The following GOLIM4 variants were observed in gnomAD, a reference collection of about 807,000 sequenced individuals.
GOLIM4 encodes golgi integral membrane protein 4.
GOLIM4 carries 71 observed loss-of-function variants against 107.4 expected under a neutral mutation model. The ratio of observed to expected loss-of-function variants is 0.66; its 90% CI spans 0.55 to 0.81. The LOEUF is 0.81. GOLIM4 is among the 30% of genes least tolerant of loss of function. The pLI, the probability that GOLIM4 is intolerant of heterozygous loss-of-function variation, is 0.00. For synonymous variants in GOLIM4, 327 were observed against 294.8 expected (o/e 1.11, Z -1.12); for missense variants, 830 against 826.1 (o/e 1.00, Z -0.06).
At chr3:168,049,042 C>T (rs1719475976) in intron 1 of GOLIM4, among the ~76,000 whole-genome samples, 1 of 152,142 alleles carries the variant, frequency 6.6e-6, no homozygotes, top group Non-Finnish European at 1.5e-5. Context: ...CCAGAAGAAA[C>T]CAGCGGCAAA....
intron 1 of GOLIM4, among the ~76,000 whole-genome samples, chr3:168,051,948 G>C (rs943535957): frequency 2.0e-5 from 3 of 152,168 alleles, no homozygotes; most frequent in Non-Finnish European, 4.4e-5. Flanking sequence ...AGGGAAGTCA[G>C]AGTGAAAACT....
intron 1 of GOLIM4, among the ~76,000 whole-genome samples, chr3:168,051,823 C>T (rs374338225): frequency 1.8e-3 from 279 of 152,116 alleles, no homozygotes; most frequent in African/African-American, 6.3e-3. Flanking sequence ...AATGGAGCAG[C>T]GGTGACGGAT....
intron 1 of GOLIM4, among the ~76,000 whole-genome samples, chr3:168,067,523 A>AC (rs549430052): frequency 0.011 from 1,636 of 151,268 alleles, 31 homozygotes; most frequent in African/African-American, 0.038. Context: ...TAAAAAAAAA[A>AC]AAACACACAC....
At chr3:168,054,035 A>C (rs1719795488) in intron 1 of GOLIM4, among the ~76,000 whole-genome samples, 1 of 152,114 alleles carries the variant, frequency 6.6e-6, no homozygotes, top group Non-Finnish European at 1.5e-5. Flanking sequence ...TTCCTTCAAA[A>C]ACGTCTCCTC....
At chr3:168,017,002 C>T (rs1717406987) in intron 14 of GOLIM4, among the ~76,000 whole-genome samples, 2 of 150,530 alleles carry the variant, frequency 1.3e-5, no homozygotes, top group South Asian at 2.1e-4. Context: ...TGTAACTAAC[C>T]TGCACAATGT....
At chr3:168,059,839 T>C (rs1720162266) in intron 1 of GOLIM4, among the ~76,000 whole-genome samples, 1 of 152,096 alleles carries the variant, frequency 6.6e-6, no homozygotes, top group South Asian at 2.1e-4. Context: ...GAGACAAGAC[T>C]TGAAAGACTG....
intron 14 of GOLIM4, among the ~76,000 whole-genome samples, chr3:168,012,135 C>A (rs1427847258): frequency 8.7e-6 from 1 of 115,148 alleles, no homozygotes; most frequent in Non-Finnish European, 1.6e-5. Flanking sequence ...AAGTTGAAAA[C>A]TTTGAAAAAA....
chr3:168,089,774 T>TG (rs1721812302), intron 1 of GOLIM4, among the ~76,000 whole-genome samples: 1 of 151,138 alleles, frequency 6.6e-6, no homozygotes, highest in East Asian at 1.9e-4. Flanking sequence ...TCTCTCTTTT[T>TG]TTTTTTTTTT....
chr3:168,078,085 G>C (rs899450061), intron 1 of GOLIM4, among the ~76,000 whole-genome samples: 2 of 151,838 alleles, frequency 1.3e-5, no homozygotes, highest in Non-Finnish European at 2.9e-5. Context: ...ATGTCACTAG[G>C]TACAACTTAC....
At chr3:168,015,972 T>A (rs1469656739) in intron 14 of GOLIM4, among the ~76,000 whole-genome samples, 1 of 134,004 alleles carries the variant, frequency 7.5e-6, no homozygotes, top group Non-Finnish European at 1.5e-5. Flanking sequence ...ATTCAGGACA[T>A]AGGCATGGGC....
intron 14 of GOLIM4, 45 bp from the exon 15 acceptor site, chr3:168,010,868 G>T: frequency 8.1e-7 from 1 of 1,231,774 alleles, no homozygotes. Context: ...TGTCTTTCAA[G>T]CACTTGCGAT....
chr3:168,052,216 G>C (rs1026510958), intron 1 of GOLIM4, among the ~76,000 whole-genome samples: 2 of 152,144 alleles, frequency 1.3e-5, no homozygotes, highest in Admixed American at 1.3e-4. Flanking sequence ...GCCTGGCACA[G>C]AGTAAACACT....
chr3:168,092,476 C>A (rs1380822282), intron 1 of GOLIM4, among the ~76,000 whole-genome samples: 1 of 152,194 alleles, frequency 6.6e-6, no homozygotes, highest in African/African-American at 2.4e-5. Context: ...GGAGTATAAT[C>A]TATTCTTAAA....
At chr3:168,012,060 G>GAA (rs1717071584) in intron 14 of GOLIM4, among the ~76,000 whole-genome samples, 2 of 94,928 alleles carry the variant, frequency 2.1e-5, no homozygotes, top group African/African-American at 1.6e-4. Flanking sequence ...TTGACGAGCT[G>GAA]AGAGAAGGCT....
chr3:168,077,889 C>A (rs1217886852), intron 1 of GOLIM4, among the ~76,000 whole-genome samples: 2 of 152,064 alleles, frequency 1.3e-5, no homozygotes, highest in African/African-American at 4.8e-5. Flanking sequence ...AATTTGGTAT[C>A]CTTAAATGTT....
intron 1 of GOLIM4, among the ~76,000 whole-genome samples, chr3:168,070,020 GA>G (rs1416795722): frequency 2.0e-5 from 3 of 152,130 alleles, no homozygotes; most frequent in African/African-American, 7.2e-5. Flanking sequence ...CATAACTCCA[GA>G]AACATAATCC....
chr3:168,019,417 G>C (rs1717557989), intron 14 of GOLIM4, among the ~76,000 whole-genome samples: 1 of 152,118 alleles, frequency 6.6e-6, no homozygotes, highest in African/African-American at 2.4e-5. Context: ...ATCATACTGT[G>C]ATTATCACAC....
intron 1 of GOLIM4, among the ~76,000 whole-genome samples, chr3:168,077,460 C>A (rs1181759106): frequency 6.6e-6 from 1 of 152,164 alleles, no homozygotes; most frequent in Non-Finnish European, 1.5e-5. Context: ...TGACCTGAAA[C>A]TGATCAAAGA....
At chr3:168,028,496 A>G (rs867379306) in intron 11 of GOLIM4, among the ~76,000 whole-genome samples, 8 of 152,252 alleles carry the variant, frequency 5.3e-5, no homozygotes, top group African/African-American at 1.9e-4. Context: ...GAGTGTACTA[A>G]GCCTAGAGAA....
Sources: allele counts gnomAD v4.1 joint callset (sites outside exome capture counted in the v4.1 genomes callset), GRCh38; gene constraint gnomAD v4.1.1; transcripts MANE v1.5; gene names NCBI Gene and HGNC (gene_info 2026-07-23, HGNC 2026-07-21).